GABRB2: variants seen among roughly 807,000 people sequenced by gnomAD.
GABRB2 encodes gamma-aminobutyric acid type A receptor subunit beta2, also known as gamma-aminobutyric acid receptor subunit beta-2.
Under a neutral mutation model 54.7 loss-of-function variants are expected in GABRB2, and 16 were observed. The observed-to-expected ratio is 0.29, with a 90% CI of 0.20 to 0.44. The LOEUF (loss-of-function observed/expected upper bound fraction) is 0.44, where lower values mean the gene tolerates loss of function less well. Ranked by LOEUF, GABRB2 falls within the 20% of genes least tolerant of loss-of-function variation. The pLI, the probability that GABRB2 is intolerant of heterozygous loss-of-function variation, is 1.00. For synonymous variants in GABRB2, 244 were observed against 233.8 expected (o/e 1.04, Z -0.40); for missense variants, 355 against 644.0 (o/e 0.55, Z 4.86).
intron 4 of GABRB2, among the ~76,000 whole-genome samples, chr5:161,455,823 C>A (rs1041082025): frequency 6.6e-6 from 1 of 151,876 alleles, no homozygotes; most frequent in Non-Finnish European, 1.5e-5. Context: ...ATGCCCAGAC[C>A]CAAATTTTAT....
intron 3 of GABRB2, among the ~76,000 whole-genome samples, chr5:161,514,165 G>T (rs180833021): frequency 6.6e-6 from 1 of 152,090 alleles, no homozygotes; most frequent in Non-Finnish European, 1.5e-5. Flanking sequence ...TTGCTTAAAT[G>T]GTTACAAATG....
At chr5:161,471,974 T>C (rs1014027008) in intron 3 of GABRB2, among the ~76,000 whole-genome samples, 1 of 151,768 alleles carries the variant, frequency 6.6e-6, no homozygotes, top group African/African-American at 2.4e-5. Context: ...ATAAGTTATA[T>C]ATTAGATTAA....
chr5:161,533,804 G>A (rs1205253737), intron 3 of GABRB2, among the ~76,000 whole-genome samples: 1 of 152,140 alleles, frequency 6.6e-6, no homozygotes, highest in Non-Finnish European at 1.5e-5. Context: ...GTAGTGGTAT[G>A]TATTTTTTAA....
chr5:161,374,470 C>T (rs1267372326), intron 5 of GABRB2, among the ~76,000 whole-genome samples: 1 of 152,226 alleles, frequency 6.6e-6, no homozygotes, highest in African/African-American at 2.4e-5. Flanking sequence ...CATCAGCATA[C>T]TGCATTGGCA....
intron 3 of GABRB2, among the ~76,000 whole-genome samples, chr5:161,517,511 T>C (rs577584664): frequency 6.6e-6 from 1 of 152,274 alleles, no homozygotes; most frequent in East Asian, 1.9e-4. Flanking sequence ...ATAGATCATA[T>C]ACTTTTCTTT....
chr5:161,498,353 T>G (rs1487146095), intron 3 of GABRB2, among the ~76,000 whole-genome samples: 1 of 150,170 alleles, frequency 6.7e-6, no homozygotes. Flanking sequence ...ATCTTTAGTT[T>G]TTTTTTTTTA....
intron 9 of GABRB2, among the ~76,000 whole-genome samples, chr5:161,312,989 C>T (rs1311325694): frequency 6.6e-6 from 1 of 152,208 alleles, no homozygotes; most frequent in African/African-American, 2.4e-5. Flanking sequence ...CGATTTTACA[C>T]TGTGGGTAGG....
intron 3 of GABRB2, among the ~76,000 whole-genome samples, chr5:161,531,590 T>A (rs1760463946): frequency 6.6e-6 from 1 of 152,142 alleles, no homozygotes; most frequent in South Asian, 2.1e-4. Context: ...AATGTGACTA[T>A]ATTCATAGAA....
chr5:161,378,357 A>G (rs1561628770), intron 5 of GABRB2, among the ~76,000 whole-genome samples: 2 of 152,160 alleles, frequency 1.3e-5, no homozygotes, highest in African/African-American at 4.8e-5. Flanking sequence ...CTGAAATATG[A>G]ACTTCTAGAT....
intron 3 of GABRB2, among the ~76,000 whole-genome samples, chr5:161,476,633 C>A (rs953336984): frequency 6.6e-6 from 1 of 151,688 alleles, no homozygotes; most frequent in Non-Finnish European, 1.5e-5. Context: ...CAGAAATAAA[C>A]CCTCAAATGT....
At chr5:161,394,724 A>G (rs952078186) in intron 5 of GABRB2, among the ~76,000 whole-genome samples, 1 of 152,086 alleles carries the variant, frequency 6.6e-6, no homozygotes, top group South Asian at 2.1e-4. Flanking sequence ...AACTTACTCA[A>G]AAGAAAACTT....
chr5:161,361,446 C>A (rs1269547161), intron 5 of GABRB2, among the ~76,000 whole-genome samples: 2 of 151,980 alleles, frequency 1.3e-5, no homozygotes, highest in Non-Finnish European at 2.9e-5. Context: ...CCAGACATAT[C>A]TGGATCACGT....
chr5:161,517,193 T>C (rs1759976486), intron 3 of GABRB2, among the ~76,000 whole-genome samples: 3 of 152,146 alleles, frequency 2.0e-5, no homozygotes, highest in South Asian at 2.1e-4. Flanking sequence ...GATGAAGGGG[T>C]TATATTAGTG....
chr5:161,507,063 C>G (rs1428116189), intron 3 of GABRB2, among the ~76,000 whole-genome samples: 1 of 152,094 alleles, frequency 6.6e-6, no homozygotes, highest in Admixed American at 6.6e-5. Flanking sequence ...AATTTTAAAG[C>G]TCTGTTCATC....
At chr5:161,421,347 G>T (rs976279315) in intron 4 of GABRB2, among the ~76,000 whole-genome samples, 4 of 152,074 alleles carry the variant, frequency 2.6e-5, no homozygotes, top group Admixed American at 2.0e-4. Context: ...CCATTAGAGC[G>T]ACCCCCAGAT....
chr5:161,330,786 C>T (rs1394080792), intron 8 of GABRB2, 97 bp downstream of exon 8: 9 of 1,533,072 alleles, frequency 5.9e-6, no homozygotes, highest in Non-Finnish European at 8.0e-6. Context: ...CTTCCCTGGG[C>T]TTGGTTTCCT....
At chr5:161,510,254 CA>C (rs1759727129) in intron 3 of GABRB2, among the ~76,000 whole-genome samples, 2 of 151,736 alleles carry the variant, frequency 1.3e-5, no homozygotes, top group Admixed American at 1.3e-4. Flanking sequence ...AGCTCCCCCC[CA>C]ACCTCCCCAG....
At position 161,330,716 on chromosome 5, in the gene GABRB2, G is replaced by A. The variant is rs1302975754; in HGVS notation, c.1077+167C>T. On this transcript the variant is annotated intron_variant, in intron 8 of 9. Transcript: ENST00000393959. Reference sequence around the variant, plus strand: ...ATCCAAATCTTGTGTCATGAGTTTGGTCCCTAATTGTGCTTCCATCATTAA... The same window carrying A: ...ATCCAAATCTTGTGTCATGAGTTTGATCCCTAATTGTGCTTCCATCATTAA... 6 of 915,112 alleles carry A rather than the reference G, an allele frequency of 6.6e-6. No individual in the cohort carries two copies. The South Asian group carries it at 1.0e-4, about 15-fold the overall frequency. The allele number at this position is 915,112 out of a possible 1,614,324, so 56.7% of individuals were successfully genotyped here.
chr5:161,325,957 A>C (rs1758348932), intron 9 of GABRB2, among the ~76,000 whole-genome samples: 1 of 152,122 alleles, frequency 6.6e-6, no homozygotes, highest in Admixed American at 6.6e-5. Context: ...ATGTAGACAA[A>C]TTTCTGAATT....
Sources: gnomAD v4.1 joint callset for allele counts (sites outside exome capture counted in the v4.1 genomes callset) on GRCh38, gnomAD v4.1.1 for gene constraint, MANE v1.5 for transcripts, NCBI Gene and HGNC (gene_info 2026-07-23, HGNC 2026-07-21) for gene names.